Variants in CACNA1I observed in about 807,000 individuals in gnomAD.
CACNA1I encodes voltage-dependent T-type calcium channel subunit alpha-1I.
In CACNA1I, 74 loss-of-function variants were observed where a neutral mutation model predicts 201.6. That is an observed-to-expected ratio of 0.37 (90% CI 0.30 to 0.45). CACNA1I has a LOEUF of 0.45. CACNA1I is among the 20% of genes least tolerant of loss of function. The pLI, the probability that CACNA1I is intolerant of heterozygous loss-of-function variation, is 1.00. For synonymous variants in CACNA1I, 1,431 were observed against 1,345.2 expected (o/e 1.06, Z -1.40); for missense variants, 2,346 against 3,138.1 (o/e 0.75, Z 6.03).
At chr22:39,608,550 T>G (rs538382318) in intron 3 of CACNA1I, among the ~76,000 whole-genome samples, 2 of 152,186 alleles carry the variant, frequency 1.3e-5, no homozygotes, top group South Asian at 4.2e-4. Flanking sequence ...TTAGGACTTG[T>G]ATCCTGGGCT....
rs1404380201 is a variant in CACNA1I, at chr22:39,686,427, G to A, written c.*22G>A. On this transcript the variant is annotated 3_prime_UTR_variant, in exon 37 of 37. Transcript: ENST00000402142. ...ATGAGGGTCGCAGGGGCCCCCGGCC[G>A]CCCACCGCCCGCCCCGTCTCACCTT... 3.1e-5 allele frequency: 38 copies of A among 1,221,256 alleles called. No homozygotes were observed. In the East Asian group the frequency reaches 9.5e-4, roughly 31 times the overall value. The allele number at this position is 1,221,256 out of a possible 1,614,324, so 75.7% of individuals were successfully genotyped here. A position where few individuals can be genotyped will look rare whatever the true frequency, so the allele number is the denominator to read the frequency against.
rs1010189678 is a variant in CACNA1I, at chr22:39,685,706, G to A, written c.6028-55G>A. The A allele has an allele frequency of 8.0e-6, 11 of 1,375,430 alleles. No homozygotes were observed. Among genetic ancestry groups the A allele is most frequent in the African/African-American group, 1.5e-5 (1 of 65,090 alleles). The allele number at this position is 1,375,430 out of a possible 1,614,324, so 85.2% of individuals were successfully genotyped here. ...CTGTGCGGGGGAGGGCGGCGTCCAG[G>A]TTGCTGGGGTGGGGGCCGACACAGG... is the stretch of plus-strand genomic sequence containing the variant. On this transcript the variant is annotated intron_variant, in intron 36 of 36. Transcript: ENST00000402142. The surrounding 1 kb of genome is among the most constrained non-coding windows in gnomAD (Gnocchi z 5.0).
At chr22:39,612,757 G>C (rs1933421803) in intron 3 of CACNA1I, among the ~76,000 whole-genome samples, 1 of 152,154 alleles carries the variant, frequency 6.6e-6, no homozygotes, top group African/African-American at 2.4e-5. Flanking sequence ...TGGGTGAAAT[G>C]ACCCATAAAT....
chr22:39,577,681 C>T lies in CACNA1I; in HGVS notation c.236+6693C>T, dbSNP rs149784374. 1.8e-3 allele frequency among the ~76,000 whole-genome samples: 270 copies of T among 152,350 alleles called. 1 individual carries two copies. Among genetic ancestry groups the T allele is most frequent in the African/African-American group, 5.8e-3 (240 of 41,576 alleles). ...TGCAGCCAGGAGACCCGTCGAGAGG[C>T]GCCTGTGGGACGATGGCGAGAAACG... On this transcript the variant is annotated intron_variant, in intron 1 of 36. Coordinates refer to ENST00000402142, the MANE Select transcript of CACNA1I (RefSeq NM_021096.4).
chr22:39,582,871 T>A (rs1322961104), intron 1 of CACNA1I, among the ~76,000 whole-genome samples: 1 of 147,758 alleles, frequency 6.8e-6, no homozygotes, highest in African/African-American at 2.5e-5. Context: ...CAACCATCCA[T>A]CTATCCATCC....
chr22:39,606,373 C>T (rs935862928), intron 3 of CACNA1I, among the ~76,000 whole-genome samples: 3 of 152,176 alleles, frequency 2.0e-5, no homozygotes, highest in African/African-American at 4.8e-5. Context: ...TTCATCTCAC[C>T]GTGGCCTCTT....
intron 3 of CACNA1I, among the ~76,000 whole-genome samples, chr22:39,618,267 A>G (rs2146391348): frequency 2.0e-5 from 1 of 48,944 alleles, no homozygotes; most frequent in South Asian, 9.7e-4. Flanking sequence ...GTGTGTGTGC[A>G]AGTGTGTGAC....
intron 10 of CACNA1I, 99 bp downstream of exon 10, chr22:39,650,024 G>C: frequency 1.5e-6 from 2 of 1,316,626 alleles, no homozygotes; most frequent in Non-Finnish European, 2.2e-6. Flanking sequence ...CTGGGTTTGT[G>C]TGTCTGTCCA....
At chr22:39,585,386 C>CTTTTT (rs67733131) in intron 1 of CACNA1I, among the ~76,000 whole-genome samples, 2 of 90,454 alleles carry the variant, frequency 2.2e-5, no homozygotes, top group Admixed American at 2.4e-4. Context: ...TTCTTTCTTT[C>CTTTTT]TTTTTTTTTT....
At chr22:39,575,537 C>A (rs1053337053) in intron 1 of CACNA1I, among the ~76,000 whole-genome samples, 1 of 152,138 alleles carries the variant, frequency 6.6e-6, no homozygotes. Context: ...TTAGATAGAA[C>A]ATAACACCTT....
intron 20 of CACNA1I, 118 bp from the exon 21 acceptor site, chr22:39,664,621 G>GC: frequency 7.0e-4 from 110 of 156,318 alleles, no homozygotes; most frequent in South Asian, 1.5e-3. Context: ...GCAGGACCCC[G>GC]CCCCCTCCCC....
intron 3 of CACNA1I, among the ~76,000 whole-genome samples, chr22:39,602,856 A>C (rs1281837163): frequency 6.6e-6 from 1 of 152,106 alleles, no homozygotes; most frequent in Non-Finnish European, 1.5e-5. Context: ...AGAGAACTCA[A>C]GACTGGTGCT....
At position 39,649,481 on chromosome 22, in the gene CACNA1I, C is replaced by T. The variant is rs1934585175; in HGVS notation, c.1568-20C>T. 6.4e-7 allele frequency: 1 copy of T among 1,550,452 alleles called. No individual in the cohort carries two copies. Among genetic ancestry groups the T allele is most frequent in the Admixed American group, 1.9e-5 (1 of 51,360 alleles). On this transcript the variant is annotated intron_variant, in intron 9 of 36. Coordinates refer to ENST00000402142, the MANE Select transcript of CACNA1I (RefSeq NM_021096.4). This position sits in a 1 kb window ranked among gnomAD's most constrained non-coding sequence, Gnocchi z 7.3. ...CCTGGTGTGGGCAACGACTCTATGC[C>T]CCTCTCATTTGCTTTTCAGAGCTGT...
intron 35 of CACNA1I, among the ~76,000 whole-genome samples, chr22:39,683,062 G>A (rs148296208): frequency 7.9e-4 from 121 of 152,272 alleles, no homozygotes; most frequent in African/African-American, 2.6e-3. Flanking sequence ...TCATATACAC[G>A]GGGATGTTAA....
At chr22:39,674,151 G>T in intron 29 of CACNA1I, 118 bp downstream of exon 29, 3 of 928,692 alleles carry the variant, frequency 3.2e-6, no homozygotes, top group Middle Eastern at 4.3e-4. Context: ...GGCAGATGCT[G>T]TCTCTGGGGA....
chr22:39,588,385 C>CTTTCT (rs1217549900), intron 1 of CACNA1I, among the ~76,000 whole-genome samples: 108 of 80,738 alleles, frequency 1.3e-3, no homozygotes, highest in African/African-American at 4.6e-3. Context: ...TTCTTTCTTT[C>CTTTCT]TTTTTTTTTT....
chr22:39,649,524 C>A lies in CACNA1I; in HGVS notation c.1591C>A (p.Leu531Met). The change falls in exon 10 of 37, where the codon CTG (leucine) becomes ATG (methionine). Residue 531 changes from leucine (L) to methionine (M), a missense_variant. Transcript: ENST00000402142. The surrounding 1 kb of genome is among the most constrained non-coding windows in gnomAD (Gnocchi z 7.3). ...AGAGCTGTGCCCGCAACATAGCCCCCTGGATGCGACGCCCCACACCCTGGT... is the reference window on the plus strand; with the variant it reads ...AGAGCTGTGCCCGCAACATAGCCCCATGGATGCGACGCCCCACACCCTGGT... ...GRELCPQHSP[L>M]DATPHTLVQP... The A allele has an allele frequency of 6.4e-7, 1 of 1,561,688 alleles. No individual in the cohort carries two copies. The highest frequency in any genetic ancestry group is 1.4e-5 in the African/African-American group (1 of 73,670).
chr22:39,678,537 C>T (rs184730514), intron 31 of CACNA1I, among the ~76,000 whole-genome samples: 22 of 152,262 alleles, frequency 1.4e-4, no homozygotes, highest in African/African-American at 2.2e-4. Context: ...GGTAAGGCCT[C>T]GGTTCCGGGG....
chr22:39,664,692 C>T (rs756574516), intron 20 of CACNA1I, 47 bp from the exon 21 acceptor site: 4 of 646,900 alleles, frequency 6.2e-6, no homozygotes, highest in South Asian at 4.9e-5. Context: ...CGCCCACCTG[C>T]CCGCCCCTCC....
Sources: gnomAD v4.1 joint callset for allele counts (sites outside exome capture counted in the v4.1 genomes callset) on GRCh38, gnomAD v4.1.1 for gene constraint, Gnocchi (gnomAD v3.1) non-coding constraint, MANE v1.5 for transcripts, NCBI Gene and HGNC (gene_info 2026-07-23, HGNC 2026-07-21) for gene names.